RAB3GAP1: variants seen among roughly 807,000 people sequenced by gnomAD.
RAB3GAP1 encodes rab3 GTPase-activating protein catalytic subunit.
A neutral mutation model predicts 130.7 loss-of-function variants in RAB3GAP1; 86 were observed. That is an observed-to-expected ratio of 0.66 (90% confidence interval 0.55 to 0.79). RAB3GAP1 has a LOEUF of 0.79. Among genes scored for constraint, RAB3GAP1 ranks in the 30% least tolerant of loss-of-function variants. The probability of loss-of-function intolerance (pLI) is 0.00; values close to 1 mark genes in which losing one functional copy is unlikely to be tolerated. For missense variants in RAB3GAP1, 1,029 were observed against 1,169.4 expected (o/e 0.88, Z 1.75); for synonymous variants, 367 against 401.7 (o/e 0.91, Z 1.03).
In RAB3GAP1 at chr2:135,169,036, T is replaced by TA. The variant is rs1222276706; in HGVS notation, c.*255_*256insA. ...ATGGCCTTTGTATATGGGGGGGTGGTGGGGGGACACAAACACATCAGACAC... is the reference window on the plus strand; with the variant it reads ...ATGGCCTTTGTATATGGGGGGGTGGTAGGGGGGACACAAACACATCAGACAC... On this transcript the variant is annotated 3_prime_UTR_variant, in exon 24 of 24. Transcript: ENST00000264158. 22 of 111,398 alleles carry TA rather than the reference T, an allele frequency of 2.0e-4. No individual in the cohort carries two copies. Among genetic ancestry groups the TA allele is most frequent in the African/African-American group, 7.3e-4 (17 of 23,244 alleles). 6.9% of individuals were successfully genotyped at this position (111,398 alleles called of 1,614,324 possible).
intron 5 of RAB3GAP1, among the ~76,000 whole-genome samples, chr2:135,098,740 C>A (rs528106938): frequency 5.9e-5 from 9 of 152,200 alleles, no homozygotes; most frequent in African/African-American, 2.2e-4. Context: ...GCACAAAGAT[C>A]CTGTAAATGT....
At position 135,169,083 on chromosome 2, in the gene RAB3GAP1, C is replaced by T. The variant is rs1172678024; in HGVS notation, c.*302C>T. 6.7e-6 allele frequency: 3 copies of T among 449,780 alleles called. No homozygotes were observed. Among genetic ancestry groups the T allele is most frequent in the South Asian group, 2.1e-5 (1 of 48,478 alleles). The allele number at this position is 449,780 out of a possible 1,614,324, so 27.9% of individuals were successfully genotyped here. A position where few individuals can be genotyped will look rare whatever the true frequency, so the allele number is the denominator to read the frequency against. Reference sequence around the variant, plus strand: ...ACACTCCGTCCTCACACTGGCAGGACGGTGTTCATCGCATTCTCTTCTGTG... The same window carrying T: ...ACACTCCGTCCTCACACTGGCAGGATGGTGTTCATCGCATTCTCTTCTGTG... On this transcript the variant is annotated 3_prime_UTR_variant, in exon 24 of 24. Transcript: ENST00000264158.
intron 3 of RAB3GAP1, among the ~76,000 whole-genome samples, chr2:135,076,197 C>T (rs568518394): frequency 1.3e-5 from 2 of 152,206 alleles, no homozygotes; most frequent in South Asian, 2.1e-4. Context: ...CGTGAGCCAC[C>T]GTGCCCGGCC....
At chr2:135,095,179 G>A (rs899782866) in intron 5 of RAB3GAP1, among the ~76,000 whole-genome samples, 5 of 152,138 alleles carry the variant, frequency 3.3e-5, no homozygotes, top group African/African-American at 1.2e-4. Flanking sequence ...CTCCCAAGTA[G>A]CTGGGACTAC....
chr2:135,072,998 A>G (rs1018316718), intron 3 of RAB3GAP1, among the ~76,000 whole-genome samples: 2 of 152,162 alleles, frequency 1.3e-5, no homozygotes, highest in Admixed American at 6.5e-5. Context: ...AGGACTATGT[A>G]GGTTGAAGTT....
At chr2:135,139,581 T>C (rs1344653290) in intron 17 of RAB3GAP1, among the ~76,000 whole-genome samples, 1 of 151,816 alleles carries the variant, frequency 6.6e-6, no homozygotes, top group Non-Finnish European at 1.5e-5. Context: ...CACAAATCTT[T>C]AGTATACTGC....
In RAB3GAP1 at chr2:135,163,035, G is replaced by A. The variant is rs752599043; in HGVS notation, c.2540G>A (p.Arg847Gln). ...GTGGAAGCTCTCATTGCCAGAGCTC[G>A]GTCACTAAAAGCCAAGTTTGGAACT... ...TNVEALIARA[R>Q]SLKAKFGTEK... Residue 847 changes from arginine (R) to glutamine (Q), a missense_variant, in exon 22 of 24, where the codon CGG (arginine) becomes CAG (glutamine). Coordinates refer to ENST00000264158, the MANE Select transcript of RAB3GAP1 (RefSeq NM_012233.3). 1.5e-5 allele frequency: 25 copies of A among 1,613,880 alleles called. No individual in the cohort carries two copies. The South Asian group carries it at 1.6e-4, about 11-fold the overall frequency.
intron 3 of RAB3GAP1, among the ~76,000 whole-genome samples, chr2:135,088,688 C>CA (rs1162700077): frequency 0.039 from 2,134 of 54,336 alleles, 67 homozygotes; most frequent in East Asian, 0.077. Context: ...GACTCCATCT[C>CA]AAAAAAAAAA....
intron 3 of RAB3GAP1, among the ~76,000 whole-genome samples, chr2:135,066,889 CG>C (rs1689338453): frequency 6.6e-6 from 1 of 152,048 alleles, no homozygotes; most frequent in Non-Finnish European, 1.5e-5. Context: ...GTGACTGACT[CG>C]TATCTCCCTG....
intron 5 of RAB3GAP1, among the ~76,000 whole-genome samples, chr2:135,095,874 G>A (rs945294791): frequency 6.6e-6 from 1 of 152,164 alleles, no homozygotes; most frequent in African/African-American, 2.4e-5. Flanking sequence ...AAGAAGAAGG[G>A]TGAGTATAGT....
At chr2:135,102,585 C>T (rs1009558539) in intron 5 of RAB3GAP1, among the ~76,000 whole-genome samples, 1 of 152,234 alleles carries the variant, frequency 6.6e-6, no homozygotes, top group East Asian at 1.9e-4. Context: ...ACATTTTGTC[C>T]CCATGGCTCT....
intron 3 of RAB3GAP1, among the ~76,000 whole-genome samples, chr2:135,079,706 A>G (rs1036723576): frequency 6.6e-6 from 1 of 152,216 alleles, no homozygotes; most frequent in Admixed American, 6.5e-5. Flanking sequence ...CTGGCATTTA[A>G]TCATGTCTTT....
At chr2:135,083,172 TG>T (rs1479871110) in intron 3 of RAB3GAP1, among the ~76,000 whole-genome samples, 3 of 152,198 alleles carry the variant, frequency 2.0e-5, no homozygotes, top group African/African-American at 7.2e-5. Context: ...TTTTCATTGC[TG>T]AATAATATTC....
rs187925063 is a variant in RAB3GAP1 at position 135,121,051 on chromosome 2, A to G, written c.748+133A>G. ...ATATTTGTGATTCATTTTAAATGTA[A>G]TATTATTGCTTTCATTGCCCTTATT... On this transcript the variant is annotated intron_variant, in intron 8 of 23. Coordinates refer to ENST00000264158, the MANE Select transcript of RAB3GAP1 (RefSeq NM_012233.3). 6.1e-3 allele frequency: 4,653 copies of G among 758,938 alleles called. 35 individuals are homozygous for G. The highest frequency in any genetic ancestry group is 8.9e-3 in the Non-Finnish European group (3,978 of 445,848). The allele number at this position is 758,938 out of a possible 1,614,324, so 47.0% of individuals were successfully genotyped here.
chr2:135,126,302 A>C (rs1691347290), intron 10 of RAB3GAP1, 53 bp downstream of exon 10: 1 of 1,339,634 alleles, frequency 7.5e-7, no homozygotes, highest in African/African-American at 1.5e-5. Flanking sequence ...TCAGTAGAAT[A>C]ACTCTCAAAT....
intron 4 of RAB3GAP1, among the ~76,000 whole-genome samples, chr2:135,092,701 G>A (rs1275034594): frequency 4.6e-5 from 7 of 152,192 alleles, no homozygotes. Flanking sequence ...GCCTTCCAAA[G>A]TGCTGGGATT....
intron 7 of RAB3GAP1, among the ~76,000 whole-genome samples, chr2:135,120,592 ATCT>A (rs1177977000): frequency 3.9e-5 from 6 of 152,158 alleles, no homozygotes; most frequent in Non-Finnish European, 7.4e-5. Flanking sequence ...TAAATTTTGC[ATCT>A]TTGGCTCTAA....
intron 5 of RAB3GAP1, among the ~76,000 whole-genome samples, chr2:135,109,223 G>T (rs1171377980): frequency 1.3e-5 from 2 of 151,926 alleles, no homozygotes; most frequent in African/African-American, 2.4e-5. Context: ...AACTTGCTGA[G>T]ATTTTGATTG....
chr2:135,106,247 C>G (rs1690614512), intron 5 of RAB3GAP1, among the ~76,000 whole-genome samples: 2 of 152,232 alleles, frequency 1.3e-5, no homozygotes. Context: ...GCCACCCCGT[C>G]TGGGAGGTGT....
Sources: gnomAD v4.1 joint callset for allele counts (sites outside exome capture counted in the v4.1 genomes callset) on GRCh38, gnomAD v4.1.1 for gene constraint, MANE v1.5 for transcripts, NCBI Gene and HGNC (gene_info 2026-07-23, HGNC 2026-07-21) for gene names.